Variants in LMBR1L observed in about 807,000 individuals in gnomAD.
LMBR1L encodes protein LMBR1L.
Under a neutral mutation model 67.3 loss-of-function variants are expected in LMBR1L, and 47 were observed. That is an observed-to-expected ratio of 0.70 (90% confidence interval 0.55 to 0.89). The LOEUF is 0.89. Among genes scored for constraint, LMBR1L ranks in the 40% least tolerant of loss-of-function variants. The probability of loss-of-function intolerance (pLI) is 0.00; values close to 1 mark genes in which losing one functional copy is unlikely to be tolerated. For synonymous variants in LMBR1L, 247 were observed against 250.3 expected (o/e 0.99, Z 0.13); for missense variants, 533 against 599.2 (o/e 0.89, Z 1.15).
At chr12:49,105,410 A>T (rs1940768090) in intron 3 of LMBR1L, among the ~76,000 whole-genome samples, 1 of 152,174 alleles carries the variant, frequency 6.6e-6, no homozygotes, top group African/African-American at 2.4e-5. Flanking sequence ...GAAGATGGGC[A>T]CTTCTAGCTC....
rs375664220 is a variant in LMBR1L at position 49,097,895 on chromosome 12, C to T, written c.1402+49G>A. 7 of 1,596,162 alleles carry T rather than the reference C, an allele frequency of 4.4e-6. No homozygotes were observed. The South Asian group carries it at 6.7e-5, about 15-fold the overall frequency. Reference sequence around the variant, plus strand: ...TGGGGTGATCCATGTTCCAGAGTGTCCTAGATGATTACCACCCCCCACTAG... The same window carrying T: ...TGGGGTGATCCATGTTCCAGAGTGTTCTAGATGATTACCACCCCCCACTAG... On this transcript the variant is annotated intron_variant, in intron 16 of 16. Transcript: ENST00000267102.
chr12:49,100,437 GAC>G lies in LMBR1L; in HGVS notation c.1189_1190del (p.Val397LeufsTer22), dbSNP rs781225062. 2 of 1,614,010 alleles carry G rather than the reference GAC, an allele frequency of 1.2e-6. No individual in the cohort carries two copies. The highest frequency in any genetic ancestry group is 1.7e-5 in the Admixed American group (1 of 60,028). On this transcript the variant is annotated frameshift_variant, in exon 15 of 17. Coordinates refer to ENST00000267102, the MANE Select transcript of LMBR1L (RefSeq NM_018113.4). LOFTEE classifies it high-confidence loss of function. The part of the protein sequence containing the change: ...TAMTQIIGNC[V>X]CLLVLSSALP... ...GTGCTGAGCTTAGGACCAGGAGACAGACACAGTTCCCAATTATCTGGGTGGAA... is the reference window on the plus strand; with the variant it reads ...GTGCTGAGCTTAGGACCAGGAGACAGACAGTTCCCAATTATCTGGGTGGAA...
At chr12:49,107,182 A>G in intron 1 of LMBR1L, 137 bp from the exon 2 acceptor site, 1 of 651,278 alleles carries the variant, frequency 1.5e-6, no homozygotes, top group Non-Finnish European at 2.7e-6. Flanking sequence ...ATCTGGAAGT[A>G]TGTTCTGTTC....
At chr12:49,110,323 A>T in intron 1 of LMBR1L, 161 bp downstream of exon 1, 1 of 681,740 alleles carries the variant, frequency 1.5e-6, no homozygotes, top group Non-Finnish European at 2.6e-6. Context: ...CATCTAGGGG[A>T]TCGCTAGCCG....
intron 8 of LMBR1L, 22 bp from the exon 9 acceptor site, chr12:49,102,562 A>G: frequency 6.2e-7 from 1 of 1,612,242 alleles, no homozygotes; most frequent in Non-Finnish European, 8.5e-7. Flanking sequence ...GGAAAGGAAG[A>G]GACTAACTGT....
Position 49,105,945 on chromosome 12 carries a change from T to C in LMBR1L, c.170A>G (p.Asp57Gly). Residue 57 changes from aspartate to glycine, a missense_variant, in exon 3 of 17, where the codon GAT becomes GGT. Transcript: ENST00000267102. The part of the protein sequence containing the change: ...PAEFTTVDDE[D>G]ATVNKIALEL... ...TTACGCAATCTTGTTGACGGTGGCA[T>C]CTTCATCATCCACTGTAAGAGACAG... 1.9e-6 allele frequency: 3 copies of C among 1,613,244 alleles called. No homozygotes were observed. Among genetic ancestry groups the C allele is most frequent in the South Asian group, 2.2e-5 (2 of 90,924 alleles).
Position 49,104,904 on chromosome 12 carries a change from A to G in LMBR1L, c.192-19T>C. ...CTCGAGCCTGGGCAGAGAAGGGGAC[A>G]GTGTCCTTGCTTAGCTCAGCACTCA... On this transcript the variant is annotated intron_variant, in intron 3 of 16. Transcript: ENST00000267102. 6.2e-7 allele frequency: 1 copy of G among 1,603,084 alleles called. No individual in the cohort carries two copies. Among genetic ancestry groups the G allele is most frequent in the African/African-American group, 1.3e-5 (1 of 74,860 alleles).
At chr12:49,108,153 C>G (rs1941132068) in intron 1 of LMBR1L, among the ~76,000 whole-genome samples, 1 of 152,156 alleles carries the variant, frequency 6.6e-6, no homozygotes, top group Non-Finnish European at 1.5e-5. Flanking sequence ...ATCCCAGCTA[C>G]TCAAGAGGCT....
Position 49,102,214 on chromosome 12 carries a change from G to A in LMBR1L, c.854-18C>T. 2 of 1,614,048 alleles carry A rather than the reference G, an allele frequency of 1.2e-6. No homozygotes were observed. Among genetic ancestry groups the A allele is most frequent in the Non-Finnish European group, 1.7e-6 (2 of 1,179,904 alleles). ...CCTCTTCTCTGTGCAGGGATGGGAG[G>A]CTGTCAGCAAGCACCTGGAACCAGG... On this transcript the variant is annotated intron_variant, in intron 10 of 16. Coordinates refer to ENST00000267102, the MANE Select transcript of LMBR1L (RefSeq NM_018113.4).
intron 15 of LMBR1L, 49 bp from the exon 16 acceptor site, chr12:49,098,154 T>C: frequency 1.9e-6 from 3 of 1,571,562 alleles, no homozygotes; most frequent in Non-Finnish European, 2.6e-6. Context: ...GGCCCTTTTC[T>C]GCTACCAGCC....
chr12:49,101,425 G>C (rs749845108), intron 12 of LMBR1L, 47 bp downstream of exon 12: 130 of 1,608,366 alleles, frequency 8.1e-5, no homozygotes, highest in Non-Finnish European at 1.1e-4. Context: ...CTCCCCAGCT[G>C]TTCTTAGGCC....
At position 49,110,525 on chromosome 12, in the gene LMBR1L, C is replaced by T. The variant is rs771914669; in HGVS notation, c.31G>A (p.Val11Met). MEAPDYEVLSVREQLFHERIR... is the reference protein window; with the variant it reads MEAPDYEVLSMREQLFHERIR... ...CTCTCGTGGAATAGCTGTTCTCGCA[C>T]GGATAGCACTTCGTAGTCAGGTGCT... The change falls in exon 1 of 17, where the codon GTG becomes ATG. Residue 11 changes from valine to methionine, a missense_variant. Coordinates refer to ENST00000267102, the MANE Select transcript of LMBR1L (RefSeq NM_018113.4). The T allele has an allele frequency of 1.2e-6, 2 of 1,614,114 alleles. No individual in the cohort carries two copies. Among genetic ancestry groups the T allele is most frequent in the East Asian group, 2.2e-5 (1 of 44,866 alleles).
At position 49,100,549 on chromosome 12, in the gene LMBR1L, C is replaced by T. The variant is rs117771708; in HGVS notation, c.1173+7G>A. 6.2e-7 allele frequency: 1 copy of T among 1,613,978 alleles called. No homozygotes were observed. The highest frequency in any genetic ancestry group is 8.5e-7 in the Non-Finnish European group (1 of 1,179,868). On this transcript the variant is annotated splice_region_variant and intron_variant, in intron 14 of 16. Transcript: ENST00000267102. ...CCCGGGAGCTTCCCTTACTCCCTCC[C>T]AGCTACCTGCGTCATGGCAGTGTCG...
At chr12:49,106,618 T>C (rs898187258) in intron 2 of LMBR1L, 4 of 1,336,342 alleles carry the variant, frequency 3.0e-6, no homozygotes, top group African/African-American at 3.0e-5. Context: ...ACACAGAGCC[T>C]GTGCCCGTAA....
chr12:49,097,848 G>A (rs1380580855), intron 16 of LMBR1L, 96 bp downstream of exon 16: 1 of 1,594,018 alleles, frequency 6.3e-7, no homozygotes, highest in African/African-American at 1.3e-5. Flanking sequence ...CCACAAAGCA[G>A]GAAGCACACC....
intron 1 of LMBR1L, 29 bp downstream of exon 1, chr12:49,110,455 G>C: frequency 9.9e-6 from 16 of 1,608,856 alleles, no homozygotes; most frequent in Non-Finnish European, 1.4e-5. Context: ...CGCAACCCCC[G>C]CTTCTCCTCG....
Position 49,110,801 on chromosome 12 carries a change from G to A in LMBR1L, c.-246C>T. On this transcript the variant is annotated 5_prime_UTR_variant, in exon 1 of 17. Transcript: ENST00000267102. ...CTTTGCTCCCCACTCTTTAAGGTCG[G>A]GTCGCGCTCACGTTTCAATGCAAAC... 1 of 525,624 alleles carries A rather than the reference G, an allele frequency of 1.9e-6. No individual in the cohort carries two copies. Among genetic ancestry groups the A allele is most frequent in the South Asian group, 2.4e-5 (1 of 41,726 alleles). 32.6% of individuals were successfully genotyped at this position (525,624 alleles called of 1,614,324 possible).
intron 1 of LMBR1L, among the ~76,000 whole-genome samples, chr12:49,108,231 C>G (rs931135371): frequency 3.3e-5 from 5 of 151,502 alleles, no homozygotes; most frequent in African/African-American, 1.2e-4. Flanking sequence ...CCACTGCACT[C>G]TAGCCTGGGT....
At chr12:49,107,916 G>A (rs775496437) in intron 1 of LMBR1L, among the ~76,000 whole-genome samples, 43 of 152,094 alleles carry the variant, frequency 2.8e-4, no homozygotes, top group Non-Finnish European at 6.2e-4. Flanking sequence ...ATCACTTGAG[G>A]TCAGGAGTTC....
Sources: allele counts gnomAD v4.1 joint callset (sites outside exome capture counted in the v4.1 genomes callset), GRCh38; gene constraint gnomAD v4.1.1; transcripts MANE v1.5; gene names NCBI Gene and HGNC (gene_info 2026-07-23, HGNC 2026-07-21).